Variants in SCN7A observed in about 807,000 individuals in gnomAD.
The protein encoded by SCN7A is sodium channel protein type 7 subunit alpha.
SCN7A carries 138 observed loss-of-function variants against 155.2 expected under a neutral mutation model. The observed-to-expected ratio is 0.89, with a 90% CI of 0.77 to 1.02. SCN7A has a LOEUF of 1.02. Ranked by LOEUF, SCN7A falls within the 50% of genes least tolerant of loss-of-function variation. The pLI, the probability that SCN7A is intolerant of heterozygous loss-of-function variation, is 0.00. For synonymous variants in SCN7A, 693 were observed against 649.0 expected (o/e 1.07, Z -1.03); for missense variants, 2,058 against 1,986.6 (o/e 1.04, Z -0.68).
intron 21 of SCN7A, among the ~76,000 whole-genome samples, chr2:166,415,183 C>T (rs1402686135): frequency 6.7e-6 from 1 of 148,598 alleles, no homozygotes; most frequent in Non-Finnish European, 1.5e-5. Flanking sequence ...TCTCCACTTC[C>T]TTCATCCAAT....
Position 166,432,448 on chromosome 2 carries a change from T to C in SCN7A, c.2462A>G (p.Asn821Ser). The C allele has an allele frequency of 6.2e-7, 1 of 1,613,672 alleles. No individual in the cohort carries two copies. The highest frequency in any genetic ancestry group is 8.5e-7 in the Non-Finnish European group (1 of 1,179,684). Residue 821 changes from asparagine to serine, a missense_variant, in exon 16 of 26, where the codon AAT becomes AGT. By Grantham distance (46) the Asn-to-Ser change is conservative. Coordinates refer to ENST00000643258, the MANE Select transcript of SCN7A (RefSeq NM_002976.4). ...SSGTEKNATENESQSLIPSPS... is the reference protein window; with the variant it reads ...SSGTEKNATESESQSLIPSPS... ...ACTGGGGATAAGTGATTGGCTCTCA[T>C]TTTCAGTAGCGTTTTTCTCTGTGCC...
chr2:166,421,048 T>A (rs1701500027), intron 20 of SCN7A, 142 bp downstream of exon 20: 1 of 534,620 alleles, frequency 1.9e-6, no homozygotes, highest in Admixed American at 3.9e-5. Context: ...TCCTCTCTAT[T>A]TCTAAGCAAT....
chr2:166,465,026 A>C (rs188471838), intron 9 of SCN7A, among the ~76,000 whole-genome samples: 2 of 152,266 alleles, frequency 1.3e-5, no homozygotes, highest in Non-Finnish European at 2.9e-5. Flanking sequence ...CTAACTCCCA[A>C]TGTGATTAGG....
At chr2:166,421,377 TAC>T in intron 19 of SCN7A, 80 bp from the exon 20 acceptor site, 1 of 742,672 alleles carries the variant, frequency 1.3e-6, no homozygotes, top group South Asian at 2.6e-5. Context: ...TTGCATTTAT[TAC>T]AACAGATATA....
At position 166,462,513 on chromosome 2, in the gene SCN7A, T is replaced by C; in HGVS notation, c.959A>G (p.Tyr320Cys). 6.2e-7 allele frequency: 1 copy of C among 1,613,846 alleles called. No homozygotes were observed. Among genetic ancestry groups the C allele is most frequent in the Admixed American group, 1.7e-5 (1 of 60,022 alleles). ...RTDAGQCPEG[Y>C]VCVKAGINPD... The stretch of plus-strand genomic sequence containing the variant: ...ATTTATGCCAGCTTTTACACACACA[T>C]ATCCTTCAGGACACTGACTAAAGAA... The change falls in exon 10 of 26, where the codon TAT becomes TGT. Residue 320 changes from tyrosine to cysteine, a missense_variant. Physicochemically the swap from Tyr to Cys is radical, Grantham distance 194. Transcript: ENST00000643258.
intron 18 of SCN7A, 125 bp downstream of exon 18, chr2:166,427,663 T>C (rs1701652094): frequency 3.2e-6 from 2 of 621,490 alleles, no homozygotes. Flanking sequence ...TTATGAAATT[T>C]GGTGCTATTT....
intron 16 of SCN7A, among the ~76,000 whole-genome samples, chr2:166,429,899 G>T (rs1433911699): frequency 6.6e-6 from 1 of 152,022 alleles, no homozygotes; most frequent in Non-Finnish European, 1.5e-5. Context: ...GAAGTTCAAG[G>T]CTGGGTAGAA....
intron 1 of SCN7A, among the ~76,000 whole-genome samples, chr2:166,490,373 G>C (rs1053496076): frequency 3.9e-5 from 6 of 152,050 alleles, no homozygotes; most frequent in African/African-American, 7.2e-5. Context: ...TTCAATGCCT[G>C]GAATATTTCA....
At chr2:166,439,096 T>C (rs1701903121) in intron 15 of SCN7A, among the ~76,000 whole-genome samples, 1 of 139,660 alleles carries the variant, frequency 7.2e-6, no homozygotes, top group Admixed American at 7.3e-5. Flanking sequence ...GTATTTCTGC[T>C]TCTTTCTCTT....
chr2:166,447,043 A>T (rs531535968), intron 12 of SCN7A, among the ~76,000 whole-genome samples: 2 of 152,284 alleles, frequency 1.3e-5, no homozygotes, highest in East Asian at 1.9e-4. Context: ...AGTTTAATTT[A>T]AAAAAATCTG....
At chr2:166,435,814 C>T (rs970856937) in intron 15 of SCN7A, among the ~76,000 whole-genome samples, 2 of 151,284 alleles carry the variant, frequency 1.3e-5, no homozygotes, top group Non-Finnish European at 2.9e-5. Flanking sequence ...TGTTTCTATC[C>T]CTCAGTGTTT....
Position 166,456,932 on chromosome 2 carries a change from T to G in SCN7A, c.1228A>C (p.Lys410Gln), listed in dbSNP as rs767367293. 18 of 1,571,452 alleles carry G rather than the reference T, an allele frequency of 1.1e-5. No homozygotes were observed. In the South Asian group the frequency reaches 2.0e-4, roughly 17 times the overall value. The change falls in exon 11 of 26, where the codon AAG (lysine) becomes CAG (glutamine). Residue 410 changes from lysine (K) to glutamine (Q), a missense_variant. Transcript: ENST00000643258. ...EKQRVGEISK[K>Q]IEPKFQQTGK... ...GTCTGTTGAAATTTTGGTTCAATCT[T>G]CTTAGATATTTCACCAACTCTCTGC...
chr2:166,449,435 T>C (rs891077085), intron 11 of SCN7A, among the ~76,000 whole-genome samples: 5 of 152,116 alleles, frequency 3.3e-5, no homozygotes, highest in Non-Finnish European at 5.9e-5. Flanking sequence ...AGTTCTGCTG[T>C]GGTATATCTT....
intron 25 of SCN7A, among the ~76,000 whole-genome samples, chr2:166,408,987 T>G (rs1369024024): frequency 6.6e-6 from 1 of 151,952 alleles, no homozygotes; most frequent in Non-Finnish European, 1.5e-5. Context: ...GGTGACCTCC[T>G]TCTGCTGTGT....
rs1402210623 is a variant in SCN7A, at chr2:166,441,675, G to C, written c.1878C>G (p.Ala626=). Residue 626 remains alanine (A), a synonymous_variant, in exon 15 of 26, where the codon GCC becomes GCG. Coordinates refer to ENST00000643258, the MANE Select transcript of SCN7A (RefSeq NM_002976.4). ...LMWSLSNSWV[A]LKDLVLLLFT... is the part of the protein sequence containing the mutation. ...ACAACAACAGGACCAAGTCTTTCAG[G>C]GCCACCCATGAGTTACTAAGAGACC... 3 of 1,613,684 alleles carry C rather than the reference G, an allele frequency of 1.9e-6. No homozygotes were observed. The highest frequency in any genetic ancestry group is 2.5e-6 in the Non-Finnish European group (3 of 1,179,762).
At chr2:166,413,590 T>C (rs550321036) in intron 21 of SCN7A, among the ~76,000 whole-genome samples, 1 of 152,110 alleles carries the variant, frequency 6.6e-6, no homozygotes, top group African/African-American at 2.4e-5. Flanking sequence ...TAATACTGAG[T>C]GTCAATTTGA....
rs762467504 is a variant in SCN7A, at chr2:166,405,959, C to A, written c.4670G>T (p.Gly1557Val). ...GGGGAGGTCCAAAGCAATGAGCTGGCCCTTGTTTGGTTTTGCCATGAAAAG... is the reference window on the plus strand; with the variant it reads ...GGGGAGGTCCAAAGCAATGAGCTGGACCTTGTTTGGTTTTGCCATGAAAAG... ...PPLFMAKPNK[G>V]QLIALDLPMA... Residue 1557 changes from glycine (G) to valine (V), a missense_variant, in exon 26 of 26, where the codon GGC becomes GTC. By Grantham distance (109) the Gly-to-Val change is moderately radical (BLOSUM62 -3). Transcript: ENST00000643258. 1.9e-6 allele frequency: 3 copies of A among 1,612,892 alleles called. No homozygotes were observed. The highest frequency in any genetic ancestry group is 2.5e-6 in the Non-Finnish European group (3 of 1,179,332).
At chr2:166,429,092 C>A (rs1231776583) in intron 17 of SCN7A, 77 bp downstream of exon 17, 1 of 693,398 alleles carries the variant, frequency 1.4e-6, no homozygotes, top group East Asian at 3.0e-5. Flanking sequence ...GACTGACATA[C>A]TGGATATGGA....
chr2:166,418,505 G>A (rs1253253437), intron 20 of SCN7A, among the ~76,000 whole-genome samples: 1 of 151,334 alleles, frequency 6.6e-6, no homozygotes, highest in Non-Finnish European at 1.5e-5. Context: ...CACTGATTCT[G>A]TTTTCTACCA....
Sources: allele counts gnomAD v4.1 joint callset (sites outside exome capture counted in the v4.1 genomes callset), GRCh38; gene constraint gnomAD v4.1.1; transcripts MANE v1.5; gene names NCBI Gene and HGNC (gene_info 2026-07-23, HGNC 2026-07-21).